The following LDHAL6A variants were observed in gnomAD, a reference collection of about 807,000 sequenced individuals.
LDHAL6A encodes lactate dehydrogenase A like 6A.
Under a neutral mutation model 28.2 loss-of-function variants are expected in LDHAL6A, and 19 were observed. The ratio of observed to expected loss-of-function variants is 0.67; its 90% CI spans 0.47 to 0.99. The LOEUF is 0.99. Ranked by LOEUF, LDHAL6A falls within the 50% of genes least tolerant of loss-of-function variation. The pLI is 0.00. For synonymous variants in LDHAL6A, 144 were observed against 134.4 expected, an observed-to-expected ratio of 1.07 and a Z score of -0.49; for missense variants, 372 against 398.6, an observed-to-expected ratio of 0.93 and a Z score of 0.57.
At position 18,478,723 on chromosome 11, in the gene LDHAL6A, T is replaced by C. The variant is rs927530410; in HGVS notation, c.852T>C (p.Asn284=). ...STLSKGLYGI[N]EDIFLSVPCI... Reference sequence around the variant, plus strand: ...ACTTTCAGGGCCTCTATGGAATAAATGAAGACATATTCCTTAGTGTCCCAT... The same window carrying C: ...ACTTTCAGGGCCTCTATGGAATAAACGAAGACATATTCCTTAGTGTCCCAT... Residue 284 remains asparagine, a synonymous_variant, in exon 7 of 7, where the codon AAT becomes AAC. Transcript: ENST00000280706. 5 of 1,609,128 alleles carry C rather than the reference T, an allele frequency of 3.1e-6. No homozygotes were observed. Among genetic ancestry groups the C allele is most frequent in the Non-Finnish European group, 3.4e-6 (4 of 1,178,166 alleles).
chr11:18,467,098 G>C (rs1472928331), intron 3 of LDHAL6A, among the ~76,000 whole-genome samples: 1 of 152,144 alleles, frequency 6.6e-6, no homozygotes, highest in Non-Finnish European at 1.5e-5. Flanking sequence ...ATGTCAAACA[G>C]CTAGAGATTA....
At chr11:18,465,584 A>G in intron 2 of LDHAL6A, 53 bp from the exon 3 acceptor site, 1 of 1,480,158 alleles carries the variant, frequency 6.8e-7, no homozygotes, top group Non-Finnish European at 9.3e-7. Context: ...AAGTATACTT[A>G]AATGCCAGAT....
At chr11:18,469,757 T>C (rs1052868037) in intron 3 of LDHAL6A, among the ~76,000 whole-genome samples, 16 of 152,158 alleles carry the variant, frequency 1.1e-4, no homozygotes, top group African/African-American at 3.9e-4. Flanking sequence ...GTTAAAATGG[T>C]CCACTAAGAA....
intron 1 of LDHAL6A, among the ~76,000 whole-genome samples, chr11:18,463,193 C>CT (rs1364507918): frequency 6.6e-6 from 1 of 152,060 alleles, no homozygotes; most frequent in Admixed American, 6.6e-5. Flanking sequence ...GAGGTGGGGC[C>CT]TTTAAGAGTT....
chr11:18,462,656 A>C (rs1848953633), intron 1 of LDHAL6A, among the ~76,000 whole-genome samples: 1 of 31,234 alleles, frequency 3.2e-5, no homozygotes, highest in Non-Finnish European at 9.1e-5. Context: ...ACAAACAAAC[A>C]AAAAAAAAAA....
intron 1 of LDHAL6A, among the ~76,000 whole-genome samples, chr11:18,460,022 G>A (rs887688862): frequency 2.6e-5 from 4 of 152,184 alleles, no homozygotes; most frequent in East Asian, 1.9e-4. Context: ...TGTTGATGTT[G>A]ACCTCAGTTA....
rs35039697 is a variant in LDHAL6A at position 18,456,406 on chromosome 11, C to CCT, written c.-262_-261dup. The stretch of plus-strand genomic sequence containing the variant: ...TTGGTGGAGCAACCCCTGTTCCTTT[C>CCT]CTCTCTCTCTCTCTTAATTCCTCTT... On this transcript the variant is annotated 5_prime_UTR_variant, in exon 1 of 7. An upstream open reading frame in the 5' UTR loses its in-frame stop. Coordinates refer to ENST00000280706, the MANE Select transcript of LDHAL6A (RefSeq NM_144972.5). 72,128 of 330,144 alleles carry CCT rather than the reference C, an allele frequency of 0.22. 8,090 individuals are homozygous for CCT. The highest frequency in any genetic ancestry group is 0.45 in the African/African-American group (20,096 of 44,446). The allele number at this position is 330,144 out of a possible 1,614,324, so 20.5% of individuals were successfully genotyped here.
At chr11:18,462,408 C>T (rs966282696) in intron 1 of LDHAL6A, among the ~76,000 whole-genome samples, 14 of 151,698 alleles carry the variant, frequency 9.2e-5, no homozygotes, top group South Asian at 4.2e-4. Context: ...GAGGCAGAGG[C>T]GGGCGGATCA....
intron 3 of LDHAL6A, among the ~76,000 whole-genome samples, chr11:18,473,608 G>A (rs1039837878): frequency 1.3e-5 from 2 of 152,110 alleles, no homozygotes; most frequent in Non-Finnish European, 2.9e-5. Flanking sequence ...TGTTGCCCAG[G>A]CTGGTCTCAA....
intron 3 of LDHAL6A, among the ~76,000 whole-genome samples, chr11:18,469,836 CAA>C (rs1849214453): frequency 6.7e-6 from 1 of 148,710 alleles, no homozygotes; most frequent in Admixed American, 6.7e-5. Context: ...TAATACAAAA[CAA>C]AAACAAAAAC....
At chr11:18,459,579 T>C (rs1277888626) in intron 1 of LDHAL6A, among the ~76,000 whole-genome samples, 1 of 152,230 alleles carries the variant, frequency 6.6e-6, no homozygotes, top group Non-Finnish European at 1.5e-5. Flanking sequence ...TCTATCCTAT[T>C]AGTCCTGTCC....
At chr11:18,462,659 A>AAAAAAAC (rs1565067331) in intron 1 of LDHAL6A, among the ~76,000 whole-genome samples, 78 of 137,400 alleles carry the variant, frequency 5.7e-4, no homozygotes, top group Non-Finnish European at 9.4e-4. Context: ...AACAAACAAA[A>AAAAAAAC]AAAAAAACAA....
Position 18,465,001 on chromosome 11 carries a change from T to TTTTTTTTTTTTTTTTTTTG in LDHAL6A, c.245-636_245-635insTTTTTTTTTTTTTTTTTTG, listed in dbSNP as rs1849025165. Among the ~76,000 whole-genome samples, 25 of 144,480 alleles carry TTTTTTTTTTTTTTTTTTTG rather than the reference T, an allele frequency of 1.7e-4. 1 individual carries two copies. Among genetic ancestry groups the TTTTTTTTTTTTTTTTTTTG allele is most frequent in the African/African-American group, 6.5e-4 (24 of 37,106 alleles). The allele number at this position is 144,480 out of a possible 152,430, so 94.8% of individuals were successfully genotyped here. A position where few individuals can be genotyped will look rare whatever the true frequency, so the allele number is the denominator to read the frequency against. On this transcript the variant is annotated intron_variant, in intron 2 of 6. Transcript: ENST00000280706. ...TGTTTTTTTTTGTTTTGTTTTGTTT[T>TTTTTTTTTTTTTTTTTTTG]GGTTTGTTTTTGAGACAGTGTCTTG...
At chr11:18,470,073 C>T (rs541085852) in intron 3 of LDHAL6A, among the ~76,000 whole-genome samples, 111 of 152,272 alleles carry the variant, frequency 7.3e-4, no homozygotes, top group African/African-American at 2.6e-3. Flanking sequence ...GGATTACAGG[C>T]ATGTGCCACC....
At chr11:18,468,060 TAC>T (rs796848640) in intron 3 of LDHAL6A, among the ~76,000 whole-genome samples, 134 of 7,562 alleles carry the variant, frequency 0.018, 7 homozygotes, top group African/African-American at 0.026. Context: ...TATATATATA[TAC>T]ATATATATAT....
At chr11:18,477,498 A>G in intron 5 of LDHAL6A, 122 bp from the exon 6 acceptor site, 1 of 861,508 alleles carries the variant, frequency 1.2e-6, no homozygotes, top group Non-Finnish European at 1.7e-6. Flanking sequence ...ACTACAAGTA[A>G]TTTCTAGAAG....
At chr11:18,459,997 G>C (rs911456285) in intron 1 of LDHAL6A, among the ~76,000 whole-genome samples, 4 of 152,208 alleles carry the variant, frequency 2.6e-5, no homozygotes, top group Admixed American at 2.0e-4. Context: ...GCTACATACT[G>C]TCATGATTTA....
intron 5 of LDHAL6A, among the ~76,000 whole-genome samples, chr11:18,477,407 C>G (rs1381780386): frequency 6.0e-5 from 9 of 150,122 alleles, no homozygotes; most frequent in Non-Finnish European, 1.2e-4. Context: ...TGTAGTGAGC[C>G]GAGATCACAC....
chr11:18,462,773 C>G (rs1407733066), intron 1 of LDHAL6A, among the ~76,000 whole-genome samples: 1 of 151,560 alleles, frequency 6.6e-6, no homozygotes, highest in Non-Finnish European at 1.5e-5. Context: ...GCGGAGGTGG[C>G]AGTGAGCCGA....
Sources: allele counts gnomAD v4.1 joint callset (sites outside exome capture counted in the v4.1 genomes callset), GRCh38; gene constraint gnomAD v4.1.1; transcripts MANE v1.5; gene names NCBI Gene and HGNC (gene_info 2026-07-23, HGNC 2026-07-21).